The following ADAMTS12 variants were observed in gnomAD, a reference collection of about 807,000 sequenced individuals.
ADAMTS12 encodes the protein A disintegrin and metalloproteinase with thrombospondin motifs 12.
ADAMTS12 carries 118 observed loss-of-function variants against 167.8 expected under a neutral mutation model. That is an observed-to-expected ratio of 0.70 (90% CI 0.61 to 0.82). The LOEUF (loss-of-function observed/expected upper bound fraction) is 0.82, where lower values mean the gene tolerates loss of function less well. ADAMTS12 is among the 40% of genes least tolerant of loss of function. ADAMTS12 has a pLI of 0.00. For synonymous variants in ADAMTS12, 704 were observed against 716.9 expected (o/e 0.98, Z 0.29); for missense variants, 1,916 against 1,998.8 (o/e 0.96, Z 0.79).
At chr5:33,733,477 A>G (rs77062528) in intron 3 of ADAMTS12, among the ~76,000 whole-genome samples, 3,331 of 152,324 alleles carry the variant, frequency 0.022, 129 homozygotes, top group African/African-American at 0.077. Flanking sequence ...ACAGCCACGA[A>G]TCTTAAGTAA....
rs759660650 is a variant in ADAMTS12, at chr5:33,661,893, G to A, written c.1040+23C>T. On this transcript the variant is annotated intron_variant, in intron 6 of 23. Transcript: ENST00000504830. ...TCCCTCCCTGCTTTACTGCCCCTGG[G>A]TTTCATGTAGTCTCTGGTGTACCTG... 6.9e-5 allele frequency: 111 copies of A among 1,612,416 alleles called. 1 individual carries two copies. The South Asian group carries it at 1.2e-3, about 17-fold the overall frequency.
At chr5:33,837,362 C>T (rs1488428452) in intron 2 of ADAMTS12, among the ~76,000 whole-genome samples, 1 of 152,196 alleles carries the variant, frequency 6.6e-6, no homozygotes, top group Non-Finnish European at 1.5e-5. Flanking sequence ...GGAGATGGGT[C>T]GGTTACTAGG....
chr5:33,779,188 T>TC (rs1746025461), intron 2 of ADAMTS12, among the ~76,000 whole-genome samples: 1 of 64,692 alleles, frequency 1.5e-5, no homozygotes, highest in Admixed American at 1.4e-4. Flanking sequence ...ATTAGTATTT[T>TC]TTTTTTTTTT....
intron 2 of ADAMTS12, among the ~76,000 whole-genome samples, chr5:33,817,096 T>G (rs547678794): frequency 6.6e-6 from 1 of 152,256 alleles, no homozygotes; most frequent in Non-Finnish European, 1.5e-5. Flanking sequence ...ACAAAACAGC[T>G]GCTTGGAGGA....
intron 3 of ADAMTS12, among the ~76,000 whole-genome samples, chr5:33,704,308 T>C (rs1476353663): frequency 6.6e-6 from 1 of 152,220 alleles, no homozygotes; most frequent in Non-Finnish European, 1.5e-5. Flanking sequence ...GCAATGAACA[T>C]GGGAAAGCAG....
chr5:33,573,026 G>A (rs978045125), intron 19 of ADAMTS12, among the ~76,000 whole-genome samples: 1 of 151,822 alleles, frequency 6.6e-6, no homozygotes, highest in Admixed American at 6.6e-5. Flanking sequence ...AAAATACTTA[G>A]GAATCCAACT....
At chr5:33,528,474 G>A (rs571228953) in intron 23 of ADAMTS12, among the ~76,000 whole-genome samples, 5 of 152,306 alleles carry the variant, frequency 3.3e-5, no homozygotes, top group East Asian at 1.9e-4. Flanking sequence ...CCCGAGTGTC[G>A]GGGTGCTTTG....
intron 2 of ADAMTS12, among the ~76,000 whole-genome samples, chr5:33,849,727 T>C (rs1262941269): frequency 6.7e-6 from 1 of 149,692 alleles, no homozygotes; most frequent in South Asian, 2.1e-4. Flanking sequence ...ATATAGTATC[T>C]ATATATGTAT....
At chr5:33,888,584 C>G (rs1229786344) in intron 1 of ADAMTS12, among the ~76,000 whole-genome samples, 1 of 152,136 alleles carries the variant, frequency 6.6e-6, no homozygotes, top group African/African-American at 2.4e-5. Context: ...GAAAACACTG[C>G]AACATTCCCT....
chr5:33,590,466 G>A lies in ADAMTS12; in HGVS notation c.2655-1657C>T, dbSNP rs564747522. Among the ~76,000 whole-genome samples, 5 of 152,148 alleles carry A rather than the reference G, an allele frequency of 3.3e-5. No homozygotes were observed. In the East Asian group the frequency reaches 7.7e-4, roughly 24 times the overall value. ...ATTAAGGCCACTTGGAAAAGGATTTGGGAGTGGTTTACTCCCTCTCACTCT... is the reference window on the plus strand; with the variant it reads ...ATTAAGGCCACTTGGAAAAGGATTTAGGAGTGGTTTACTCCCTCTCACTCT... On this transcript the variant is annotated intron_variant, in intron 17 of 23. Coordinates refer to ENST00000504830, the MANE Select transcript of ADAMTS12 (RefSeq NM_030955.4).
intron 2 of ADAMTS12, among the ~76,000 whole-genome samples, chr5:33,852,488 T>C (rs79607497): frequency 0.022 from 3,314 of 152,184 alleles, 59 homozygotes; most frequent in African/African-American, 0.051. Context: ...GGATGGAGAA[T>C]GGGTAAAGGG....
At chr5:33,768,803 T>C (rs934702955) in intron 2 of ADAMTS12, among the ~76,000 whole-genome samples, 2 of 152,116 alleles carry the variant, frequency 1.3e-5, no homozygotes, top group African/African-American at 4.8e-5. Flanking sequence ...AAATGCACAT[T>C]GTTAAATGAA....
rs781442484 is a variant in ADAMTS12, at chr5:33,683,971, C to T, written c.719G>A (p.Arg240His). The T allele has an allele frequency of 1.5e-5, 24 of 1,612,356 alleles. No individual in the cohort carries two copies. The highest frequency in any genetic ancestry group is 1.2e-4 in the Admixed American group (7 of 59,814). ...HNLPSRSLSRRSISKERWVET... is the reference protein window; with the variant it reads ...HNLPSRSLSRHSISKERWVET... ...CACCCATCTCTCCTTGCTGATGGAA[C>T]GCCGAGAGAGGCTTCTGCTTGGCAA... The change falls in exon 4 of 24, where the codon CGT (arginine) becomes CAT (histidine). Residue 240 changes from arginine (R) to histidine (H), a missense_variant. Transcript: ENST00000504830.
chr5:33,577,219 A>G (rs541891837), intron 18 of ADAMTS12, 59 bp from the exon 19 acceptor site: 3 of 1,609,858 alleles, frequency 1.9e-6, no homozygotes, highest in South Asian at 1.1e-5. Context: ...TCTCATGGTT[A>G]GGTCTATAAC....
At chr5:33,614,974 T>C (rs1330129262) in intron 15 of ADAMTS12, among the ~76,000 whole-genome samples, 2 of 152,216 alleles carry the variant, frequency 1.3e-5, no homozygotes, top group Non-Finnish European at 2.9e-5. Flanking sequence ...CTTTAACAAA[T>C]AGTAGTTCTG....
chr5:33,652,080 A>G (rs1740885452), intron 7 of ADAMTS12, among the ~76,000 whole-genome samples: 1 of 152,182 alleles, frequency 6.6e-6, no homozygotes, highest in Non-Finnish European at 1.5e-5. Context: ...TAGTGCTGCA[A>G]TAAACATACG....
At chr5:33,810,014 A>C (rs1201884732) in intron 2 of ADAMTS12, among the ~76,000 whole-genome samples, 1 of 150,152 alleles carries the variant, frequency 6.7e-6, no homozygotes, top group East Asian at 2.0e-4. Context: ...GATTAGAAGC[A>C]CTGAAAATAT....
rs767384727 is a variant in ADAMTS12 at position 33,745,472 on chromosome 5, C to A, written c.634+5932G>T. Among the ~76,000 whole-genome samples the A allele has an allele frequency of 4.0e-4, 61 of 152,162 alleles. 1 individual carries two copies. Among genetic ancestry groups the A allele is most frequent in the Non-Finnish European group, 8.4e-4 (57 of 68,020 alleles). ...TCCTTTGCTCATATTGTTCCAAAGG[C>A]ACCCTCCCACCTTAGAATGCCTCCC... On this transcript the variant is annotated intron_variant, in intron 3 of 23. Transcript: ENST00000504830.
intron 2 of ADAMTS12, among the ~76,000 whole-genome samples, chr5:33,878,919 C>T (rs1750325441): frequency 6.6e-6 from 1 of 152,172 alleles, no homozygotes; most frequent in Non-Finnish European, 1.5e-5. Context: ...CCAACTTCAG[C>T]GGGCATCAGA....
Sources: allele counts gnomAD v4.1 joint callset (sites outside exome capture counted in the v4.1 genomes callset), GRCh38; gene constraint gnomAD v4.1.1; transcripts MANE v1.5; gene names NCBI Gene and HGNC (gene_info 2026-07-23, HGNC 2026-07-21).